FAM186A: variants seen among roughly 807,000 people sequenced by gnomAD.
The protein encoded by FAM186A is protein FAM186A.
FAM186A carries 163 observed loss-of-function variants against 216.8 expected under a neutral mutation model. The observed-to-expected ratio is 0.75, with a 90% CI of 0.66 to 0.86. The LOEUF (loss-of-function observed/expected upper bound fraction) is 0.86, where lower values mean the gene tolerates loss of function less well. Among genes scored for constraint, FAM186A ranks in the 40% least tolerant of loss-of-function variants. The pLI is 0.00. For synonymous variants in FAM186A, 805 were observed against 1,025.3 expected, an observed-to-expected ratio of 0.79 and a Z score of 4.10; for missense variants, 2,184 against 2,746.2, an observed-to-expected ratio of 0.80 and a Z score of 4.58.
rs553121181 is a variant in FAM186A at position 50,380,761 on chromosome 12, G to A, written c.192+15532C>T. On this transcript the variant is annotated intron_variant, in intron 1 of 7. Transcript: ENST00000327337. ...CGCTTTTCTGGCCAGAAACCCCTGT[G>A]GCCAACTTTTGCCCAAGTTTTGCTC... is the stretch of plus-strand genomic sequence containing the variant. Among the ~76,000 whole-genome samples the A allele has an allele frequency of 6.1e-4, 92 of 151,898 alleles. 1 individual carries two copies. The highest frequency in any genetic ancestry group is 1.9e-3 in the African/African-American group (80 of 41,440).
chr12:50,362,978 T>C (rs1351815899), intron 2 of FAM186A, among the ~76,000 whole-genome samples, 167 bp downstream of exon 2: 1 of 152,212 alleles, frequency 6.6e-6, no homozygotes, highest in South Asian at 2.1e-4. Flanking sequence ...AATAAGCCTA[T>C]ATTTTTCCTA....
At chr12:50,330,447 C>G (rs1198452007) in intron 7 of FAM186A, 126 bp downstream of exon 7, 1 of 945,110 alleles carries the variant, frequency 1.1e-6, no homozygotes, top group African/African-American at 1.7e-5. Flanking sequence ...TGGTGTGAGT[C>G]TAACCTCATA....
In FAM186A at chr12:50,360,850, C is replaced by A. The variant is rs775102319; in HGVS notation, c.489G>T (p.Pro163=). The change falls in exon 3 of 8, where the codon CCG becomes CCT. Residue 163 remains proline, a synonymous_variant. Coordinates refer to ENST00000327337, the MANE Select transcript of FAM186A (RefSeq NM_001145475.3). The stretch of plus-strand genomic sequence containing the variant: ...TGTTCTCAATAGCTTTTAACGTGTC[C>A]GGTAACAACTCCATTTGTGCTATCC... ...HHWIAQMELL[P]DTLKAIENNV... is the part of the protein sequence containing the mutation. 7 of 1,550,998 alleles carry A rather than the reference C, an allele frequency of 4.5e-6. No homozygotes were observed. The highest frequency in any genetic ancestry group is 5.2e-6 in the Non-Finnish European group (6 of 1,146,716).
chr12:50,369,195 A>G (rs771166918), intron 1 of FAM186A, among the ~76,000 whole-genome samples: 6 of 152,160 alleles, frequency 3.9e-5, no homozygotes, highest in Non-Finnish European at 7.3e-5. Context: ...AACAAAAGTA[A>G]AAATAGATAA....
At chr12:50,394,741 T>TTTTTTTTTTTTTC (rs1943397006) in intron 1 of FAM186A, among the ~76,000 whole-genome samples, 1 of 127,338 alleles carries the variant, frequency 7.9e-6, no homozygotes, top group African/African-American at 3.1e-5. Context: ...TCTTTTTTTT[T>TTTTTTTTTTTTTC]TTTTTTTTTT....
At chr12:50,362,721 G>A (rs561720911) in intron 2 of FAM186A, among the ~76,000 whole-genome samples, 24 of 127,474 alleles carry the variant, frequency 1.9e-4, no homozygotes, top group Non-Finnish European at 2.8e-4. Context: ...TCCAGTCTGG[G>A]TAACACAGTG....
intron 1 of FAM186A, among the ~76,000 whole-genome samples, chr12:50,364,186 G>A (rs1943064942): frequency 6.6e-6 from 1 of 151,982 alleles, no homozygotes; most frequent in Non-Finnish European, 1.5e-5. Flanking sequence ...ACTTTTGTGT[G>A]TCTCACCGGA....
chr12:50,347,160 T>C (rs1288681203), intron 4 of FAM186A, among the ~76,000 whole-genome samples: 1 of 152,138 alleles, frequency 6.6e-6, no homozygotes, highest in Non-Finnish European at 1.5e-5. Context: ...CATCATGGCT[T>C]GGCAGGGAGT....
Position 50,355,117 on chromosome 12 carries a change from T to C in FAM186A, c.1715A>G (p.Glu572Gly). ...AAEIKVEPTT[E>G]SLDKEGKGEI... ...ACCTTTGCCCTCTTTGTCCAATGAC[T>C]CAGTGGTGGGTTCCACTTTAATCTC... is the stretch of plus-strand genomic sequence containing the variant. The change falls in exon 4 of 8, where the codon GAG becomes GGG. Residue 572 changes from glutamate to glycine, a missense_variant. By Grantham distance (98) the Glu-to-Gly change is moderately conservative (BLOSUM62 -2). Coordinates refer to ENST00000327337, the MANE Select transcript of FAM186A (RefSeq NM_001145475.3). 6.4e-7 allele frequency: 1 copy of C among 1,551,710 alleles called. No homozygotes were observed. The highest frequency in any genetic ancestry group is 8.7e-7 in the Non-Finnish European group (1 of 1,146,986).
In FAM186A at chr12:50,360,754, A is replaced by C; in HGVS notation, c.583+2T>G. The stretch of plus-strand genomic sequence containing the variant: ...AACTCCAAAATCATAAAGCACCCTT[A>C]CATATTTTTTTCTTTTGTTTCTTCT... On this transcript the variant is annotated splice_donor_variant, in intron 3 of 7. Transcript: ENST00000327337. LOFTEE classifies it high-confidence loss of function. 6.5e-7 allele frequency: 1 copy of C among 1,530,018 alleles called. No homozygotes were observed. The highest frequency in any genetic ancestry group is 2.5e-5 in the East Asian group (1 of 40,676). The allele number at this position is 1,530,018 out of a possible 1,614,324, so 94.8% of individuals were successfully genotyped here. A position where few individuals can be genotyped will look rare whatever the true frequency, so the allele number is the denominator to read the frequency against.
chr12:50,350,533 A>G lies in FAM186A; in HGVS notation c.6299T>C (p.Leu2100Pro). The change falls in exon 4 of 8, where the codon CTT becomes CCT. Residue 2100 changes from leucine to proline, a missense_variant. This residue lies in a region of FAM186A where 721 missense variants were observed against 816.4 expected (regional missense o/e 0.88). Coordinates refer to ENST00000327337, the MANE Select transcript of FAM186A (RefSeq NM_001145475.3). Reference protein sequence around the residue: ...VMVPPSSPQELEEKRYFVDVE... With the variant: ...VMVPPSSPQEPEEKRYFVDVE... ...ATCAACAAAATACCTCTTTTCTTCA[A>G]GTTCTTGAGGAGAGGAAGGGGGCAC... 6.4e-7 allele frequency: 1 copy of G among 1,551,620 alleles called. No homozygotes were observed. The highest frequency in any genetic ancestry group is 8.7e-7 in the Non-Finnish European group (1 of 1,146,968).
chr12:50,339,710 T>G (rs1942743357), intron 4 of FAM186A, among the ~76,000 whole-genome samples: 1 of 151,326 alleles, frequency 6.6e-6, no homozygotes, highest in Non-Finnish European at 1.5e-5. Flanking sequence ...TGCTTTTTCT[T>G]TGTGTTCTAA....
chr12:50,377,454 T>C (rs1038273099), intron 1 of FAM186A, among the ~76,000 whole-genome samples: 23 of 133,416 alleles, frequency 1.7e-4, no homozygotes, highest in Non-Finnish European at 6.3e-5. Flanking sequence ...ACTATAAAAC[T>C]TCTAGAAGAA....
At chr12:50,391,564 T>G (rs998832612) in intron 1 of FAM186A, among the ~76,000 whole-genome samples, 1 of 151,980 alleles carries the variant, frequency 6.6e-6, no homozygotes, top group Admixed American at 6.6e-5. Flanking sequence ...TCCGCCTGCC[T>G]CAGCCTCCCA....
Position 50,354,374 on chromosome 12 carries a change from T to C in FAM186A, c.2458A>G (p.Lys820Glu), listed in dbSNP as rs2136093650. ...TGCAAATATTGCTCCTGCCTTTGTT[T>C]TTCCTTCTCCTTGTGGTCTTTCTGT... ...TVQKDHKEKE[K>E]QRQEQYLQEG... Residue 820 changes from lysine to glutamate, a missense_variant, in exon 4 of 8, where the codon AAA (lysine) becomes GAA (glutamate). This residue lies in a region of FAM186A where 1,132 missense variants were observed against 1,263.4 expected (regional missense o/e 0.90). Coordinates refer to ENST00000327337, the MANE Select transcript of FAM186A (RefSeq NM_001145475.3). The C allele has an allele frequency of 6.4e-7, 1 of 1,551,652 alleles. No homozygotes were observed. Among genetic ancestry groups the C allele is most frequent in the Non-Finnish European group, 8.7e-7 (1 of 1,147,000 alleles).
chr12:50,331,950 A>C, intron 5 of FAM186A, 129 bp from the exon 6 acceptor site: 2 of 732,186 alleles, frequency 2.7e-6, no homozygotes, highest in South Asian at 4.3e-5. Context: ...TCCTCTCCCT[A>C]CTCCACCCAC....
At chr12:50,394,342 G>A (rs1943392132) in intron 1 of FAM186A, among the ~76,000 whole-genome samples, 1 of 151,990 alleles carries the variant, frequency 6.6e-6, no homozygotes, top group Non-Finnish European at 1.5e-5. Flanking sequence ...CACAAGGTCA[G>A]GAGATCAAGA....
intron 4 of FAM186A, among the ~76,000 whole-genome samples, chr12:50,340,915 G>A (rs2138764281): frequency 6.6e-6 from 1 of 151,780 alleles, no homozygotes; most frequent in Admixed American, 6.6e-5. Context: ...TCCTGCCTCA[G>A]CCTCCCAAGT....
Position 50,351,467 on chromosome 12 carries a change from G to A in FAM186A, c.5365C>T (p.Leu1789Phe), listed in dbSNP as rs1259778788. ...GAACGAAGAGTCTGTGGTGCCCCAA[G>A]CTTCCCAGGCTCAGAAAGAATCCCC... is the stretch of plus-strand genomic sequence containing the variant. ...EMGILSEPGK[L>F]GAPQTLRSSG... Residue 1789 changes from leucine (L) to phenylalanine (F), a missense_variant, in exon 4 of 8, where the codon CTT becomes TTT. By Grantham distance (22) the Leu-to-Phe change is conservative. Around this residue, in one of 7 missense-constraint regions of FAM186A, gnomAD observed 721 missense variants for 816.4 expected, o/e 0.88. Transcript: ENST00000327337. 1 of 1,477,976 alleles carries A rather than the reference G, an allele frequency of 6.8e-7. No homozygotes were observed. The highest frequency in any genetic ancestry group is 9.0e-7 in the Non-Finnish European group (1 of 1,116,596). 91.6% of individuals were successfully genotyped at this position (1,477,976 alleles called of 1,614,324 possible).
Sources: gnomAD v4.1 joint callset for allele counts (sites outside exome capture counted in the v4.1 genomes callset) on GRCh38, gnomAD v4.1.1 for gene constraint, gnomAD v4.1.1 regional missense constraint, MANE v1.5 for transcripts, NCBI Gene and HGNC (gene_info 2026-07-23, HGNC 2026-07-21) for gene names.